Variants in CEP85L observed in about 807,000 individuals in gnomAD.
The protein encoded by CEP85L is centrosomal protein 85L.
Under a neutral mutation model 100.3 loss-of-function variants are expected in CEP85L, and 60 were observed. That is an observed-to-expected ratio of 0.60 (90% confidence interval 0.49 to 0.74). The LOEUF (loss-of-function observed/expected upper bound fraction) is 0.74, where lower values mean the gene tolerates loss of function less well. Among genes scored for constraint, CEP85L ranks in the 30% least tolerant of loss-of-function variants. The pLI, the probability that CEP85L is intolerant of heterozygous loss-of-function variation, is 0.00. For synonymous variants in CEP85L, 319 were observed against 322.7 expected, an observed-to-expected ratio of 0.99 and a Z score of 0.12; for missense variants, 973 against 936.2, an observed-to-expected ratio of 1.04 and a Z score of -0.51.
intron 1 of CEP85L, among the ~76,000 whole-genome samples, chr6:118,667,960 A>G (rs1411782140): frequency 1.3e-5 from 2 of 152,222 alleles, no homozygotes; most frequent in East Asian, 3.8e-4. Context: ...ATAATCTACT[A>G]TGTTCCTCAT....
At chr6:118,510,038 A>G (rs557724548) in intron 5 of CEP85L, among the ~76,000 whole-genome samples, 2 of 152,230 alleles carry the variant, frequency 1.3e-5, no homozygotes, top group Non-Finnish European at 2.9e-5. Context: ...AGTGAATACA[A>G]ATAAATTTAG....
At chr6:118,472,112 A>G (rs1313998508) in intron 10 of CEP85L, among the ~76,000 whole-genome samples, 1 of 151,958 alleles carries the variant, frequency 6.6e-6, no homozygotes, top group Non-Finnish European at 1.5e-5. Context: ...GAATAATTAT[A>G]ATAATGATAC....
chr6:118,475,521 T>C (rs1205614374), intron 10 of CEP85L, among the ~76,000 whole-genome samples: 1 of 151,028 alleles, frequency 6.6e-6, no homozygotes, highest in Non-Finnish European at 1.5e-5. Flanking sequence ...GCCTGGCTAA[T>C]TTTTTGTATT....
At chr6:118,573,937 T>G (rs553275840) in intron 2 of CEP85L, 1 of 152,366 alleles carries the variant, frequency 6.6e-6, no homozygotes, top group African/African-American at 2.4e-5. Flanking sequence ...CCTTGTACAC[T>G]GTCTCTTAGC....
intron 6 of CEP85L, among the ~76,000 whole-genome samples, chr6:118,485,293 T>C (rs938909870): frequency 1.3e-5 from 2 of 152,360 alleles, no homozygotes; most frequent in African/African-American, 4.8e-5. Context: ...CTGGCAATAA[T>C]TAGCAGTAAG....
chr6:118,658,178 C>T (rs1160060145), intron 1 of CEP85L, among the ~76,000 whole-genome samples: 2 of 152,058 alleles, frequency 1.3e-5, no homozygotes, highest in Non-Finnish European at 2.9e-5. Context: ...ACAGACAAGT[C>T]TAACTACAAT....
At chr6:118,701,268 C>G (rs1206268477) in intron 1 of CEP85L, among the ~76,000 whole-genome samples, 1 of 152,112 alleles carries the variant, frequency 6.6e-6, no homozygotes, top group Admixed American at 6.6e-5. Context: ...CCTAGTAATC[C>G]CATTACAGGG....
chr6:118,700,092 C>A (rs1030182515), intron 1 of CEP85L, among the ~76,000 whole-genome samples: 5 of 152,150 alleles, frequency 3.3e-5, no homozygotes, highest in African/African-American at 1.2e-4. Flanking sequence ...AAATCAGGAG[C>A]CCTTTTCAAC....
At chr6:118,517,705 T>C (rs1297010342) in intron 4 of CEP85L, among the ~76,000 whole-genome samples, 1 of 152,250 alleles carries the variant, frequency 6.6e-6, no homozygotes, top group African/African-American at 2.4e-5. Context: ...TGACTTCCTC[T>C]CTTCCTATCT....
intron 2 of CEP85L, among the ~76,000 whole-genome samples, chr6:118,619,469 A>G (rs1011503756): frequency 2.4e-4 from 36 of 152,202 alleles, no homozygotes; most frequent in African/African-American, 8.0e-4. Flanking sequence ...TGCCCAAATG[A>G]CAAAAACCCA....
At chr6:118,576,588 T>C (rs1322088623) in intron 2 of CEP85L, among the ~76,000 whole-genome samples, 3 of 149,250 alleles carry the variant, frequency 2.0e-5, no homozygotes, top group Admixed American at 1.3e-4. Context: ...AGTTAGCTTG[T>C]ACAGAAAAGT....
chr6:118,619,373 G>A (rs996231187), intron 2 of CEP85L, among the ~76,000 whole-genome samples: 3 of 152,086 alleles, frequency 2.0e-5, no homozygotes, highest in Non-Finnish European at 2.9e-5. Flanking sequence ...TTCTGTAAAC[G>A]GGAAGGTAAA....
chr6:118,464,599 T>C lies in CEP85L; in HGVS notation c.*806A>G, dbSNP rs537603264. The C allele has an allele frequency of 6.6e-6, 1 of 151,918 alleles. No homozygotes were observed. The highest frequency in any genetic ancestry group is 6.6e-5 in the Admixed American group (1 of 15,234). 9.4% of individuals were successfully genotyped at this position (151,918 alleles called of 1,614,324 possible). A position where few individuals can be genotyped will look rare whatever the true frequency, so the allele number is the denominator to read the frequency against. The stretch of plus-strand genomic sequence containing the variant: ...CTTTGTTTACATTTATATATGTATA[T>C]ATATAAAACATATAAATAAAAAATT... On this transcript the variant is annotated 3_prime_UTR_variant, in exon 13 of 13. Coordinates refer to ENST00000368491, the MANE Select transcript of CEP85L (RefSeq NM_001042475.3).
intron 3 of CEP85L, chr6:118,537,761 C>T (rs1777676357): frequency 1.0e-6 from 1 of 985,232 alleles, no homozygotes; most frequent in Admixed American, 6.2e-5. Context: ...AGTGCTACCA[C>T]ACTTGACTGG....
At chr6:118,560,398 T>C (rs1324109714) in intron 3 of CEP85L, 1 of 166,986 alleles carries the variant, frequency 6.0e-6, no homozygotes, top group Non-Finnish European at 1.5e-5. Flanking sequence ...ATATATTTAC[T>C]ATTCATTAAA....
At chr6:118,673,138 C>A (rs1451863932) in intron 1 of CEP85L, among the ~76,000 whole-genome samples, 1 of 152,004 alleles carries the variant, frequency 6.6e-6, no homozygotes, top group Non-Finnish European at 1.5e-5. Context: ...ATAGGAAACA[C>A]CAGCATAAAC....
intron 1 of CEP85L, among the ~76,000 whole-genome samples, chr6:118,705,035 A>AT (rs1394085353): frequency 6.6e-6 from 1 of 150,404 alleles, no homozygotes; most frequent in Non-Finnish European, 1.5e-5. Context: ...ACTCCCTTTC[A>AT]TTTTTTCCCC....
In CEP85L at chr6:118,475,248, G is replaced by C. The variant is rs150500913; in HGVS notation, c.1915-4604C>G. On this transcript the variant is annotated intron_variant, in intron 10 of 12. Coordinates refer to ENST00000368491, the MANE Select transcript of CEP85L (RefSeq NM_001042475.3). ...GGCTTCTATTCGAGATGATAAAAAT[G>C]TTCTAAAATTGACTATGGTCTTGGT... is the stretch of plus-strand genomic sequence containing the variant. Among the ~76,000 whole-genome samples, 889 of 151,202 alleles carry C rather than the reference G, an allele frequency of 5.9e-3. 7 individuals are homozygous for C. The highest frequency in any genetic ancestry group is 0.021 in the African/African-American group (859 of 41,160).
chr6:118,485,256 G>T (rs1426933924), intron 6 of CEP85L, among the ~76,000 whole-genome samples: 2 of 152,104 alleles, frequency 1.3e-5, no homozygotes, highest in African/African-American at 2.4e-5. Flanking sequence ...TTTTTACAGT[G>T]TTTTCCCATA....
Sources: gnomAD v4.1 joint callset for allele counts (sites outside exome capture counted in the v4.1 genomes callset) on GRCh38, gnomAD v4.1.1 for gene constraint, MANE v1.5 for transcripts, NCBI Gene and HGNC (gene_info 2026-07-23, HGNC 2026-07-21) for gene names.